The following LINGO2 variants were observed in gnomAD, a reference collection of about 807,000 sequenced individuals.
The protein encoded by LINGO2 is leucine rich repeat and Ig domain containing 2.
A neutral mutation model predicts 30.6 loss-of-function variants in LINGO2; 14 were observed. The observed-to-expected ratio is 0.46, with a 90% CI of 0.30 to 0.72. The LOEUF (loss-of-function observed/expected upper bound fraction) is 0.72, where lower values mean the gene tolerates loss of function less well. Among genes scored for constraint, LINGO2 ranks in the 30% least tolerant of loss-of-function variants. The pLI is 0.07. For missense variants in LINGO2, 729 were observed against 751.7 expected, an observed-to-expected ratio of 0.97 and a Z score of 0.35; for synonymous variants, 317 against 288.5, an observed-to-expected ratio of 1.10 and a Z score of -1.00.
the LINGO2 span, among the ~76,000 whole-genome samples, chr9:28,911,731 T>C: frequency 6.6e-6 from 1 of 152,102 alleles, no homozygotes; most frequent in Admixed American, 6.6e-5. Flanking sequence ...TTAGAGCCAC[T>C]CATAATATTG....
At chr9:28,326,939 C>A (rs1825251162) in intron 3 of LINGO2, among the ~76,000 whole-genome samples, 1 of 152,144 alleles carries the variant, frequency 6.6e-6, no homozygotes, top group Non-Finnish European at 1.5e-5. Context: ...TCACATCCAA[C>A]AGGCTTGCTA....
intron 1 of LINGO2, among the ~76,000 whole-genome samples, chr9:28,634,701 G>A (rs557938559): frequency 1.3e-5 from 2 of 151,950 alleles, no homozygotes; most frequent in Admixed American, 1.3e-4. Flanking sequence ...GGCCAGGCTG[G>A]TCTCAAACTG....
At chr9:29,043,467 T>C in the LINGO2 span, among the ~76,000 whole-genome samples, 3 of 152,118 alleles carry the variant, frequency 2.0e-5, 1 homozygote, top group South Asian at 4.1e-4. Context: ...TCTCTATAAA[T>C]TAGAACTTCT....
intron 4 of LINGO2, among the ~76,000 whole-genome samples, chr9:28,185,902 T>C (rs1819523511): frequency 6.6e-6 from 1 of 152,134 alleles, no homozygotes; most frequent in Admixed American, 6.6e-5. Flanking sequence ...TACTTTGAAA[T>C]GTAAAGGGGA....
the LINGO2 span, among the ~76,000 whole-genome samples, chr9:29,168,317 GACT>G: frequency 6.6e-6 from 1 of 151,934 alleles, no homozygotes; most frequent in Non-Finnish European, 1.5e-5. Context: ...TGATGTAATA[GACT>G]ATTATTTCCC....
chr9:28,237,135 A>G (rs939156065), intron 4 of LINGO2, among the ~76,000 whole-genome samples: 1 of 148,098 alleles, frequency 6.8e-6, no homozygotes. Context: ...GGGTAAAGTT[A>G]AATGTAGGAT....
At chr9:28,219,337 T>C (rs912012768) in intron 4 of LINGO2, among the ~76,000 whole-genome samples, 1 of 152,150 alleles carries the variant, frequency 6.6e-6, no homozygotes, top group African/African-American at 2.4e-5. Flanking sequence ...GCATAAAAAA[T>C]GGGGCTTCTT....
intron 4 of LINGO2, among the ~76,000 whole-genome samples, chr9:28,228,050 C>T (rs1302211719): frequency 6.6e-6 from 1 of 151,984 alleles, no homozygotes; most frequent in Non-Finnish European, 1.5e-5. Flanking sequence ...GAGCTTAATA[C>T]ATGTAGTCAT....
At chr9:28,077,469 T>G (rs543196572) in intron 4 of LINGO2, among the ~76,000 whole-genome samples, 2 of 152,354 alleles carry the variant, frequency 1.3e-5, no homozygotes, top group African/African-American at 4.8e-5. Flanking sequence ...TGTCACATTT[T>G]ATTCACTCAT....
intron 4 of LINGO2, among the ~76,000 whole-genome samples, chr9:28,015,351 T>C (rs899184191): frequency 6.6e-6 from 1 of 152,088 alleles, no homozygotes; most frequent in South Asian, 2.1e-4. Flanking sequence ...TTTTATCCCA[T>C]GGAGAATTGT....
At chr9:28,903,868 A>G in the LINGO2 span, among the ~76,000 whole-genome samples, 4 of 151,864 alleles carry the variant, frequency 2.6e-5, no homozygotes, top group Admixed American at 2.6e-4. Flanking sequence ...AATTCATCCA[A>G]TGGGGCCTGC....
intron 5 of LINGO2, among the ~76,000 whole-genome samples, chr9:27,957,007 A>C (rs1339802073): frequency 6.6e-6 from 1 of 152,168 alleles, no homozygotes; most frequent in Non-Finnish European, 1.5e-5. Context: ...AGGTGGGAGA[A>C]TTGCTTGAGC....
chr9:29,075,088 A>G, the LINGO2 span, among the ~76,000 whole-genome samples: 3 of 152,164 alleles, frequency 2.0e-5, no homozygotes, highest in African/African-American at 7.2e-5. Context: ...GTTTTGAAAA[A>G]TGCATTCTTA....
the LINGO2 span, among the ~76,000 whole-genome samples, chr9:28,947,865 T>C: frequency 3.0e-4 from 45 of 152,136 alleles, no homozygotes; most frequent in African/African-American, 9.9e-4. Flanking sequence ...TCATTTGGGA[T>C]ACTTCACATA....
intron 3 of LINGO2, among the ~76,000 whole-genome samples, chr9:28,313,786 A>G (rs150943935): frequency 6.6e-6 from 1 of 152,342 alleles, no homozygotes; most frequent in Non-Finnish European, 1.5e-5. Flanking sequence ...AATGAATATT[A>G]ACTAGAAGTC....
At chr9:28,370,546 T>A (rs1820854897) in intron 3 of LINGO2, among the ~76,000 whole-genome samples, 1 of 152,200 alleles carries the variant, frequency 6.6e-6, no homozygotes, top group African/African-American at 2.4e-5. Context: ...TTTATAAATA[T>A]GGTAAAAATA....
At chr9:28,669,028 T>C (rs946200202) in intron 1 of LINGO2, among the ~76,000 whole-genome samples, 1 of 152,124 alleles carries the variant, frequency 6.6e-6, no homozygotes, top group Non-Finnish European at 1.5e-5. Flanking sequence ...TTGACCAATA[T>C]TGTGTATTTT....
chr9:29,076,584 AT>A, the LINGO2 span, among the ~76,000 whole-genome samples: 1 of 95,296 alleles, frequency 1.0e-5, no homozygotes, highest in African/African-American at 4.3e-5. Context: ...CATATTACAT[AT>A]ATATATATTA....
At chr9:28,690,681 C>G in the LINGO2 span, among the ~76,000 whole-genome samples, 1 of 152,048 alleles carries the variant, frequency 6.6e-6, no homozygotes. Flanking sequence ...ACTTATTCTC[C>G]TCTTTCTATA....
Sources: allele counts gnomAD v4.1 joint callset (sites outside exome capture counted in the v4.1 genomes callset), GRCh38; gene constraint gnomAD v4.1.1; transcripts MANE v1.5; gene names NCBI Gene and HGNC (gene_info 2026-07-23, HGNC 2026-07-21).